FMNL2: variants seen among roughly 807,000 people sequenced by gnomAD.
FMNL2 encodes formin like 2.
Under a neutral mutation model 130.2 loss-of-function variants are expected in FMNL2, and 51 were observed. The observed-to-expected ratio is 0.39, with a 90% CI of 0.31 to 0.49. The LOEUF (loss-of-function observed/expected upper bound fraction) is 0.49, where lower values mean the gene tolerates loss of function less well. Among genes scored for constraint, FMNL2 ranks in the 20% least tolerant of loss-of-function variants. The pLI is 0.85. For missense variants in FMNL2, 977 were observed against 1,316.2 expected, an observed-to-expected ratio of 0.74 and a Z score of 3.99; for synonymous variants, 465 against 467.1, an observed-to-expected ratio of 1.00 and a Z score of 0.06.
chr2:152,371,825 A>G (rs1003711770), intron 1 of FMNL2, among the ~76,000 whole-genome samples: 4 of 152,028 alleles, frequency 2.6e-5, no homozygotes, highest in African/African-American at 9.7e-5. Context: ...AGGAAGAGGA[A>G]GAGAGACATG....
At chr2:152,647,154 C>T (rs1286611858) in intron 25 of FMNL2, among the ~76,000 whole-genome samples, 1 of 151,880 alleles carries the variant, frequency 6.6e-6, no homozygotes, top group Non-Finnish European at 1.5e-5. Flanking sequence ...TCAAGTCTGG[C>T]CTGGACAACA....
At chr2:152,435,318 CA>C (rs573180970) in intron 1 of FMNL2, among the ~76,000 whole-genome samples, 37 of 152,038 alleles carry the variant, frequency 2.4e-4, no homozygotes, top group Non-Finnish European at 5.1e-4. Flanking sequence ...TCTGTCTTTC[CA>C]AAAAATCTAA....
intron 22 of FMNL2, 74 bp from the exon 23 acceptor site, chr2:152,637,499 A>G (rs1243666741): frequency 8.5e-7 from 1 of 1,183,050 alleles, no homozygotes; most frequent in Non-Finnish European, 1.3e-6. Flanking sequence ...GCTGCTTTGC[A>G]TCAGCGTTCC....
At chr2:152,345,739 G>A (rs1043107535) in intron 1 of FMNL2, among the ~76,000 whole-genome samples, 3 of 152,154 alleles carry the variant, frequency 2.0e-5, no homozygotes, top group Non-Finnish European at 4.4e-5. Flanking sequence ...GATTCCCAGG[G>A]CCTTACCATA....
chr2:152,631,067 C>T (rs563051741), intron 20 of FMNL2, among the ~76,000 whole-genome samples: 2 of 152,096 alleles, frequency 1.3e-5, no homozygotes, highest in East Asian at 3.9e-4. Flanking sequence ...ATAAATTAGG[C>T]ACAGTGAGAG....
At chr2:152,631,469 A>C (rs1682163632) in intron 20 of FMNL2, among the ~76,000 whole-genome samples, 1 of 151,792 alleles carries the variant, frequency 6.6e-6, no homozygotes, top group Non-Finnish European at 1.5e-5. Context: ...AATAGGCGGC[A>C]GTTAACCTGA....
At chr2:152,583,354 C>A (rs1363717213) in intron 9 of FMNL2, among the ~76,000 whole-genome samples, 1 of 152,048 alleles carries the variant, frequency 6.6e-6, no homozygotes, top group Non-Finnish European at 1.5e-5. Context: ...GGTGTCTAGG[C>A]GCTTGACATC....
intron 1 of FMNL2, among the ~76,000 whole-genome samples, chr2:152,404,024 C>T (rs1344389943): frequency 5.3e-5 from 8 of 152,170 alleles, no homozygotes; most frequent in Admixed American, 4.6e-4. Context: ...GCCGAGATCA[C>T]GCCACTGCAC....
At chr2:152,381,494 G>A (rs760441708) in intron 1 of FMNL2, among the ~76,000 whole-genome samples, 12 of 152,204 alleles carry the variant, frequency 7.9e-5, no homozygotes, top group Non-Finnish European at 1.6e-4. Context: ...GATCATATTT[G>A]AAGTTCTTCT....
At chr2:152,388,202 A>C (rs1684892446) in intron 1 of FMNL2, among the ~76,000 whole-genome samples, 1 of 152,238 alleles carries the variant, frequency 6.6e-6, no homozygotes, top group African/African-American at 2.4e-5. Flanking sequence ...GGATCAGTTT[A>C]AATGACTCAA....
rs1697444994 is a variant in FMNL2 at position 152,591,626 on chromosome 2, TA to T, written c.876+10579del. Among the ~76,000 whole-genome samples the T allele has an allele frequency of 2.0e-5, 3 of 152,218 alleles. No individual in the cohort carries two copies. In the South Asian group the frequency reaches 6.2e-4, roughly 32 times the overall value. On this transcript the variant is annotated intron_variant, in intron 9 of 25. Transcript: ENST00000288670. ...TTCACAATTAGCATGAGCAACATGG[TA>T]AGACCCTGCCTCTACAGAAAATACA... is the stretch of plus-strand genomic sequence containing the variant.
chr2:152,568,219 T>G (rs199643149), intron 6 of FMNL2, among the ~76,000 whole-genome samples: 6 of 116,434 alleles, frequency 5.2e-5, no homozygotes, highest in South Asian at 2.7e-4. Context: ...TTTTGGTGGG[T>G]TTTTTTTTTT....
intron 16 of FMNL2, 38 bp from the exon 17 acceptor site, chr2:152,626,487 A>G: frequency 1.3e-6 from 2 of 1,523,762 alleles, no homozygotes; most frequent in South Asian, 1.2e-5. Flanking sequence ...ATTTTTAAAT[A>G]TAATCCAATT....
At chr2:152,608,876 T>A (rs1402306063) in intron 10 of FMNL2, among the ~76,000 whole-genome samples, 2 of 151,094 alleles carry the variant, frequency 1.3e-5, no homozygotes, top group Admixed American at 6.6e-5. Context: ...TTGGACATGA[T>A]GCATAAAAAA....
intron 1 of FMNL2, among the ~76,000 whole-genome samples, chr2:152,431,931 T>C (rs906601281): frequency 2.3e-5 from 3 of 128,252 alleles, no homozygotes; most frequent in African/African-American, 9.7e-5. Flanking sequence ...ACCACTGCAC[T>C]CCTGGTCTGG....
In FMNL2 at chr2:152,343,006, A is replaced by G. The variant is rs76212003; in HGVS notation, c.117+7286A>G. On this transcript the variant is annotated intron_variant, in intron 1 of 25. Transcript: ENST00000288670. Reference sequence around the variant, plus strand: ...AACTCTCTATGATTTCTAGTCTTGTATAGTTTCTAGGACAAACTTCATATA... The same window carrying G: ...AACTCTCTATGATTTCTAGTCTTGTGTAGTTTCTAGGACAAACTTCATATA... 1.6e-3 allele frequency among the ~76,000 whole-genome samples: 237 copies of G among 152,348 alleles called. 5 individuals carry two copies. In the East Asian group the frequency reaches 0.032, roughly 21 times the overall value.
At chr2:152,584,462 G>C (rs1696956156) in intron 9 of FMNL2, among the ~76,000 whole-genome samples, 1 of 152,186 alleles carries the variant, frequency 6.6e-6, no homozygotes, top group South Asian at 2.1e-4. Flanking sequence ...GCAGGAATGA[G>C]GGGTGAAGTA....
rs1158391663 is a variant in FMNL2 at position 152,590,980 on chromosome 2, C to CTTTTTTTTTTTTTTTTTTT, written c.876+9957_876+9975dup. Among the ~76,000 whole-genome samples the CTTTTTTTTTTTTTTTTTTT allele has an allele frequency of 2.4e-4, 16 of 65,744 alleles. 2 individuals are homozygous for CTTTTTTTTTTTTTTTTTTT. The highest frequency in any genetic ancestry group is 6.7e-4 in the South Asian group (1 of 1,502). 43.1% of individuals were successfully genotyped at this position (65,744 alleles called of 152,430 possible). A position where few individuals can be genotyped will look rare whatever the true frequency, so the allele number is the denominator to read the frequency against. On this transcript the variant is annotated intron_variant, in intron 9 of 25. Transcript: ENST00000288670. ...CAGAGTTAGATTTTCCCTCTGATAA[C>CTTTTTTTTTTTTTTTTTTT]TTTTTTTTTTTTTTTTTTTTTTTTT...
intron 1 of FMNL2, among the ~76,000 whole-genome samples, chr2:152,479,155 A>G (rs1690336476): frequency 1.3e-5 from 2 of 151,814 alleles, no homozygotes; most frequent in Admixed American, 6.6e-5. Flanking sequence ...ACGGTGTCTC[A>G]CTCTGTTGCC....
Sources: gnomAD v4.1 joint callset for allele counts (sites outside exome capture counted in the v4.1 genomes callset) on GRCh38, gnomAD v4.1.1 for gene constraint, MANE v1.5 for transcripts, NCBI Gene and HGNC (gene_info 2026-07-23, HGNC 2026-07-21) for gene names.